The following TMEM232 variants were observed in gnomAD, a reference collection of about 807,000 sequenced individuals.
TMEM232 encodes the protein transmembrane protein 232.
In TMEM232, 80 loss-of-function variants were observed where a neutral mutation model predicts 78.8. The ratio of observed to expected loss-of-function variants is 1.01; its 90% confidence interval spans 0.85 to 1.22. The LOEUF (loss-of-function observed/expected upper bound fraction) is 1.22, where lower values mean the gene tolerates loss of function less well. TMEM232 is among the 50% of genes most tolerant of loss of function. The pLI is 0.00. For synonymous variants in TMEM232, 297 were observed against 254.3 expected (o/e 1.17, Z -1.60); for missense variants, 881 against 742.2 (o/e 1.19, Z -2.17).
intron 11 of TMEM232, among the ~76,000 whole-genome samples, chr5:110,542,682 G>A (rs1029205251): frequency 3.9e-5 from 6 of 152,026 alleles, no homozygotes; most frequent in Non-Finnish European, 8.8e-5. Flanking sequence ...AATAAGGTCT[G>A]GAGGCAGGGA....
At chr5:110,394,724 C>T (rs1324964590) in intron 3 of TMEM232, among the ~76,000 whole-genome samples, 1 of 152,084 alleles carries the variant, frequency 6.6e-6, no homozygotes, top group Non-Finnish European at 1.5e-5. Flanking sequence ...GTTTAATTTC[C>T]ATGTGTTTGT....
At chr5:110,678,253 C>G (rs140305274) in intron 1 of TMEM232, among the ~76,000 whole-genome samples, 1,777 of 152,076 alleles carry the variant, frequency 0.012, 45 homozygotes, top group African/African-American at 0.04. Context: ...TTAGTAGAGA[C>G]GGGGTTTCAC....
chr5:110,728,921 GT>G (rs1798412973), upstream of TMEM232, among the ~76,000 whole-genome samples: 3 of 135,636 alleles, frequency 2.2e-5, no homozygotes, highest in Admixed American at 2.4e-4. Flanking sequence ...TCTCGCTTTT[GT>G]CCCCCAGGCT....
At chr5:110,613,512 A>G (rs1014426994) in intron 8 of TMEM232, among the ~76,000 whole-genome samples, 3 of 152,166 alleles carry the variant, frequency 2.0e-5, no homozygotes, top group Non-Finnish European at 2.9e-5. Flanking sequence ...TGAAATTGCT[A>G]AAGTTACTCC....
At chr5:110,461,580 A>G (rs1166793287) in intron 12 of TMEM232, among the ~76,000 whole-genome samples, 2 of 152,242 alleles carry the variant, frequency 1.3e-5, no homozygotes, top group East Asian at 1.9e-4. Context: ...CATATGTTCA[A>G]TGTGGATGAA....
intron 5 of TMEM232, among the ~76,000 whole-genome samples, chr5:110,628,670 TG>T (rs1784726502): frequency 7.2e-6 from 1 of 139,528 alleles, no homozygotes; most frequent in African/African-American, 3.2e-5. Context: ...CCAGTGTGTG[TG>T]TGTGTGTGTG....
chr5:110,585,613 C>T (rs1307419329), intron 10 of TMEM232, among the ~76,000 whole-genome samples: 1 of 149,988 alleles, frequency 6.7e-6, no homozygotes, highest in African/African-American at 2.4e-5. Flanking sequence ...ATTCTTCTTC[C>T]CTCACCTCAT....
upstream of TMEM232, among the ~76,000 whole-genome samples, chr5:110,728,865 T>TTA (rs201236902): frequency 0.07 from 10,464 of 149,324 alleles, 446 homozygotes; most frequent in South Asian, 0.2. Context: ...TTTTTTTTTT[T>TTA]ACCAGTCTTT....
chr5:110,674,857 G>A (rs1370332616), intron 1 of TMEM232, among the ~76,000 whole-genome samples: 1 of 152,108 alleles, frequency 6.6e-6, no homozygotes, highest in Non-Finnish European at 1.5e-5. Context: ...CTTTAGAAAC[G>A]CACAGACACT....
chr5:110,608,007 T>C (rs1053619752), intron 8 of TMEM232, among the ~76,000 whole-genome samples: 7 of 151,902 alleles, frequency 4.6e-5, no homozygotes, highest in African/African-American at 1.7e-4. Flanking sequence ...AAGAAAGCTA[T>C]TTGGTTATGC....
chr5:110,570,211 T>A (rs1306025883), intron 10 of TMEM232, among the ~76,000 whole-genome samples: 1 of 151,980 alleles, frequency 6.6e-6, no homozygotes, highest in African/African-American at 2.4e-5. Flanking sequence ...TTATAGGAAC[T>A]TTACTAATTT....
At chr5:110,492,037 C>T (rs1431138196) in intron 12 of TMEM232, among the ~76,000 whole-genome samples, 1 of 151,412 alleles carries the variant, frequency 6.6e-6, no homozygotes, top group Non-Finnish European at 1.5e-5. Context: ...CAATTGCCAG[C>T]AAACATGCAA....
chr5:110,462,377 G>C (rs989890838), intron 12 of TMEM232, among the ~76,000 whole-genome samples: 1 of 152,144 alleles, frequency 6.6e-6, no homozygotes, highest in Non-Finnish European at 1.5e-5. Context: ...ATTAATATTC[G>C]AGTTAGTGGA....
chr5:110,509,775 A>ATT (rs1767496348), intron 12 of TMEM232, among the ~76,000 whole-genome samples: 1 of 152,178 alleles, frequency 6.6e-6, no homozygotes, highest in Non-Finnish European at 1.5e-5. Context: ...TTCAGTGAAC[A>ATT]CAATGTATGC....
intron 10 of TMEM232, among the ~76,000 whole-genome samples, chr5:110,600,086 C>T (rs1238103893): frequency 6.6e-6 from 1 of 152,134 alleles, no homozygotes; most frequent in Non-Finnish European, 1.5e-5. Flanking sequence ...GAAATTAAGG[C>T]AGAAACAAAT....
intron 10 of TMEM232, among the ~76,000 whole-genome samples, chr5:110,580,459 T>C (rs1489250664): frequency 6.6e-6 from 1 of 151,748 alleles, no homozygotes; most frequent in Non-Finnish European, 1.5e-5. Flanking sequence ...TCTAGGTGTG[T>C]GTAAGTATAC....
chr5:110,475,828 A>G (rs868537298), intron 12 of TMEM232, among the ~76,000 whole-genome samples: 67 of 151,980 alleles, frequency 4.4e-4, no homozygotes, highest in African/African-American at 1.6e-3. Flanking sequence ...CACTAAAAAA[A>G]AGTACAGCAA....
chr5:110,697,848 A>T (rs1438379970), intron 1 of TMEM232, among the ~76,000 whole-genome samples: 4 of 152,208 alleles, frequency 2.6e-5, no homozygotes, highest in Admixed American at 2.6e-4. Context: ...GGGACTGTAA[A>T]CTAGTTCAAC....
chr5:110,678,032 A>G (rs1213094186), intron 1 of TMEM232, among the ~76,000 whole-genome samples: 1 of 152,116 alleles, frequency 6.6e-6, no homozygotes, highest in Non-Finnish European at 1.5e-5. Flanking sequence ...CCCTATGTGC[A>G]CATGGGTTGT....
Sources: allele counts gnomAD v4.1 joint callset (sites outside exome capture counted in the v4.1 genomes callset), GRCh38; gene constraint gnomAD v4.1.1; transcripts MANE v1.5; gene names NCBI Gene and HGNC (gene_info 2026-07-23, HGNC 2026-07-21).